Variants in ENTREP2 observed in about 807,000 individuals in gnomAD.
ENTREP2 encodes endosomal transmembrane epsin interactor 2.
chr15:29,596,950 G>A, the ENTREP2 span, among the ~76,000 whole-genome samples: 1 of 152,092 alleles, frequency 6.6e-6, no homozygotes, highest in African/African-American at 2.4e-5. Context: ...GATTACAGAT[G>A]TGAGCCACCG....
At chr15:29,343,608 C>G in the ENTREP2 span, among the ~76,000 whole-genome samples, 2 of 152,100 alleles carry the variant, frequency 1.3e-5, no homozygotes, top group Non-Finnish European at 2.9e-5. Flanking sequence ...CTCTCTCCCT[C>G]TCTGTCTCTT....
chr15:29,192,239 C>G, the ENTREP2 span, among the ~76,000 whole-genome samples: 1 of 152,154 alleles, frequency 6.6e-6, no homozygotes, highest in Non-Finnish European at 1.5e-5. Flanking sequence ...GGGGAGAAAG[C>G]ATTTGGCTGA....
the ENTREP2 span, among the ~76,000 whole-genome samples, chr15:29,184,792 C>T: frequency 5.9e-5 from 9 of 152,126 alleles, no homozygotes; most frequent in South Asian, 2.1e-4. Flanking sequence ...GTCCTGTGGC[C>T]CCTCTCACTT....
At chr15:29,496,846 T>C in the ENTREP2 span, among the ~76,000 whole-genome samples, 2 of 152,222 alleles carry the variant, frequency 1.3e-5, no homozygotes, top group African/African-American at 4.8e-5. Context: ...TCAGGGATAT[T>C]GGCTTGTAAT....
At chr15:29,572,765 G>C in the ENTREP2 span, among the ~76,000 whole-genome samples, 45 of 152,072 alleles carry the variant, frequency 3.0e-4, no homozygotes, top group African/African-American at 1.1e-3. Context: ...GAGAACTTTC[G>C]GTCTAGTGGG....
the ENTREP2 span, among the ~76,000 whole-genome samples, chr15:29,463,066 C>T: frequency 6.6e-6 from 1 of 152,042 alleles, no homozygotes; most frequent in Non-Finnish European, 1.5e-5. Context: ...CTTTTCAAAG[C>T]CTTAACATGG....
chr15:29,263,274 ATCT>A, the ENTREP2 span, among the ~76,000 whole-genome samples: 1 of 152,262 alleles, frequency 6.6e-6, no homozygotes, highest in Non-Finnish European at 1.5e-5. Flanking sequence ...AAAACATCTA[ATCT>A]TCTGATAACA....
chr15:29,293,969 G>A, the ENTREP2 span, among the ~76,000 whole-genome samples: 54 of 152,322 alleles, frequency 3.5e-4, no homozygotes, highest in African/African-American at 1.3e-3. Context: ...GGGAAGAGGA[G>A]CTGGGCCTAC....
At chr15:29,207,407 ACAGAT>A in the ENTREP2 span, among the ~76,000 whole-genome samples, 2 of 148,854 alleles carry the variant, frequency 1.3e-5, no homozygotes, top group Non-Finnish European at 3.0e-5. Context: ...GAGCAAGAGA[ACAGAT>A]CTTCCACCTC....
At chr15:29,334,626 C>CT in the ENTREP2 span, among the ~76,000 whole-genome samples, 11,774 of 152,186 alleles carry the variant, frequency 0.077, 1,505 homozygotes, top group African/African-American at 0.27. Context: ...TGAAAAGGAA[C>CT]TTTTTGTAGT....
chr15:29,492,586 G>C, the ENTREP2 span, among the ~76,000 whole-genome samples: 1 of 152,162 alleles, frequency 6.6e-6, no homozygotes, highest in Non-Finnish European at 1.5e-5. Flanking sequence ...TGAGCTATCG[G>C]TTATGACCTT....
chr15:29,198,406 A>G, the ENTREP2 span, among the ~76,000 whole-genome samples: 1 of 152,206 alleles, frequency 6.6e-6, no homozygotes, highest in Non-Finnish European at 1.5e-5. Context: ...CATTTTTCAA[A>G]TAATTCAAAC....
At chr15:29,429,080 TATCCATCC>T in the ENTREP2 span, among the ~76,000 whole-genome samples, 5 of 152,332 alleles carry the variant, frequency 3.3e-5, no homozygotes, top group South Asian at 1.0e-3. Context: ...CCTATCTGTC[TATCCATCC>T]ATCCATCCAT....
At chr15:29,353,561 T>C in the ENTREP2 span, among the ~76,000 whole-genome samples, 10,217 of 152,292 alleles carry the variant, frequency 0.067, 606 homozygotes, top group African/African-American at 0.16. Context: ...ACTGACTGCA[T>C]TTACTGTGTG....
the ENTREP2 span, among the ~76,000 whole-genome samples, chr15:29,356,789 C>T: frequency 2.0e-5 from 3 of 152,034 alleles, no homozygotes; most frequent in Non-Finnish European, 4.4e-5. Flanking sequence ...TAGGATCACA[C>T]AGATGTTAAT....
chr15:29,362,950 A>AAG, the ENTREP2 span, among the ~76,000 whole-genome samples: 1 of 152,152 alleles, frequency 6.6e-6, no homozygotes, highest in Non-Finnish European at 1.5e-5. Flanking sequence ...CCCTGCTGAT[A>AAG]TTTAATACTG....
chr15:29,582,609 T>C, the ENTREP2 span, among the ~76,000 whole-genome samples: 3 of 152,136 alleles, frequency 2.0e-5, no homozygotes, highest in Non-Finnish European at 2.9e-5. Context: ...TATTAAGAAC[T>C]GTCTCTCAAG....
the ENTREP2 span, among the ~76,000 whole-genome samples, chr15:29,355,430 C>A: frequency 2.7e-5 from 4 of 147,848 alleles, no homozygotes; most frequent in African/African-American, 1.0e-4. Context: ...TTTTTTTAAG[C>A]TTAAAAACCA....
the ENTREP2 span, among the ~76,000 whole-genome samples, chr15:29,573,946 A>T: frequency 6.6e-6 from 1 of 152,162 alleles, no homozygotes; most frequent in African/African-American, 2.4e-5. Flanking sequence ...TTGGAGATAT[A>T]AATAGGGAGA....
Sources: gnomAD v4.1 joint callset for allele counts (sites outside exome capture counted in the v4.1 genomes callset) on GRCh38, gnomAD v4.1.1 for gene constraint, MANE v1.5 for transcripts, NCBI Gene and HGNC (gene_info 2026-07-23, HGNC 2026-07-21) for gene names.